The following ATG7 variants were observed in gnomAD, a reference collection of about 807,000 sequenced individuals.
The protein encoded by ATG7 is autophagy related 7.
Under a neutral mutation model 82.4 loss-of-function variants are expected in ATG7, and 70 were observed. The ratio of observed to expected loss-of-function variants is 0.85; its 90% CI spans 0.70 to 1.04. ATG7 has a LOEUF of 1.04. Ranked by LOEUF, ATG7 falls within the 50% of genes least tolerant of loss-of-function variation. ATG7 has a pLI of 0.00. For missense variants in ATG7, 792 were observed against 864.3 expected, an observed-to-expected ratio of 0.92 and a Z score of 1.05; for synonymous variants, 287 against 313.0, an observed-to-expected ratio of 0.92 and a Z score of 0.88.
intron 20 of ATG7, among the ~76,000 whole-genome samples, chr3:11,461,514 G>A (rs888309863): frequency 2.6e-5 from 4 of 152,132 alleles, no homozygotes; most frequent in Non-Finnish European, 5.9e-5. Context: ...TGCAGGTTAA[G>A]GAAATTGAGT....
intron 18 of ATG7, among the ~76,000 whole-genome samples, chr3:11,376,060 G>A (rs1472124392): frequency 6.6e-6 from 1 of 152,228 alleles, no homozygotes; most frequent in Non-Finnish European, 1.5e-5. Context: ...ATGCTGACAT[G>A]TGATACAATG....
intron 20 of ATG7, among the ~76,000 whole-genome samples, chr3:11,431,270 A>T (rs1022354609): frequency 7.9e-5 from 12 of 152,130 alleles, no homozygotes; most frequent in Admixed American, 7.9e-4. Flanking sequence ...GTGTGGTGGC[A>T]TGTGCCTGTA....
intron 18 of ATG7, among the ~76,000 whole-genome samples, chr3:11,375,084 G>A (rs1401397664): frequency 3.3e-5 from 5 of 151,240 alleles, no homozygotes; most frequent in African/African-American, 9.7e-5. Flanking sequence ...GTGTGGTGGT[G>A]TGTTCCTGTA....
intron 12 of ATG7, among the ~76,000 whole-genome samples, chr3:11,341,751 G>A (rs1953672416): frequency 6.6e-6 from 1 of 152,114 alleles, no homozygotes; most frequent in Non-Finnish European, 1.5e-5. Context: ...CCTGGCCTGA[G>A]CGCAGGAGAT....
chr3:11,432,112 T>C (rs577106972), intron 20 of ATG7, among the ~76,000 whole-genome samples: 4 of 152,192 alleles, frequency 2.6e-5, no homozygotes, highest in Non-Finnish European at 5.9e-5. Context: ...TAGTGGAGAC[T>C]GGGGACCAGG....
chr3:11,540,807 C>T lies in ATG7; in HGVS notation c.2080-14004C>T, dbSNP rs115027033. On this transcript the variant is annotated intron_variant, in intron 20 of 20. Transcript: ENST00000693202. ...TTCAGTTAATAATTTTTTTCTCTTA[C>T]AGTTCCTGCTTTTAGTGTCCTAAGA... Among the ~76,000 whole-genome samples the T allele has an allele frequency of 6.5e-4, 98 of 150,654 alleles. 1 individual carries two copies. The highest frequency in any genetic ancestry group is 2.3e-3 in the African/African-American group (96 of 40,878).
chr3:11,566,959 G>A, the ATG7 span, among the ~76,000 whole-genome samples: 1 of 152,144 alleles, frequency 6.6e-6, no homozygotes, highest in African/African-American at 2.4e-5. Context: ...AACTGTGGGT[G>A]GGCAGAATCA....
At chr3:11,274,906 G>A (rs1264659381) in intron 1 of ATG7, among the ~76,000 whole-genome samples, 1 of 151,984 alleles carries the variant, frequency 6.6e-6, no homozygotes, top group Non-Finnish European at 1.5e-5. Context: ...GGACACTGAA[G>A]ATTTTAAAAC....
intron 19 of ATG7, among the ~76,000 whole-genome samples, chr3:11,415,495 A>G (rs1259673741): frequency 6.6e-6 from 1 of 152,222 alleles, no homozygotes; most frequent in Non-Finnish European, 1.5e-5. Flanking sequence ...CACAAATTGT[A>G]CAGCCATACA....
At chr3:11,430,998 A>G (rs1268668580) in intron 20 of ATG7, among the ~76,000 whole-genome samples, 1 of 152,238 alleles carries the variant, frequency 6.6e-6, no homozygotes, top group African/African-American at 2.4e-5. Flanking sequence ...TCTTTAGTAT[A>G]TTACTCAAAA....
chr3:11,411,301 T>A (rs1044496148), intron 19 of ATG7, among the ~76,000 whole-genome samples: 1 of 152,066 alleles, frequency 6.6e-6, no homozygotes, highest in Non-Finnish European at 1.5e-5. Flanking sequence ...TGTTGTTGAG[T>A]TTTAGAATTA....
At chr3:11,305,525 G>T (rs535653490) in intron 5 of ATG7, among the ~76,000 whole-genome samples, 13 of 152,298 alleles carry the variant, frequency 8.5e-5, no homozygotes, top group African/African-American at 2.9e-4. Flanking sequence ...AATGTAGAAG[G>T]CCTAGTTTAC....
At chr3:11,521,446 G>A (rs1217999887) in intron 20 of ATG7, among the ~76,000 whole-genome samples, 3 of 152,148 alleles carry the variant, frequency 2.0e-5, no homozygotes, top group Non-Finnish European at 2.9e-5. Context: ...AAGGCGCATC[G>A]CACAGCAGGG....
chr3:11,489,459 G>GT (rs1272571018), intron 20 of ATG7, among the ~76,000 whole-genome samples: 1 of 142,340 alleles, frequency 7.0e-6, no homozygotes, highest in Non-Finnish European at 1.5e-5. Context: ...TTTTTGAAGG[G>GT]TTTTTTGTGT....
Position 11,417,322 on chromosome 3 carries a change from TGTTA to T in ATG7, c.1957-9478_1957-9475del, listed in dbSNP as rs200382567. Among the ~76,000 whole-genome samples the T allele has an allele frequency of 2.4e-4, 36 of 152,340 alleles. No homozygotes were observed. In the East Asian group the frequency reaches 6.4e-3, roughly 27 times the overall value. ...ATTCGTCTATTTCTTCTTGCCGTAC[TGTTA>T]GTTTTTACCTCATGTATTTTGATGC... On this transcript the variant is annotated intron_variant, in intron 19 of 20. Transcript: ENST00000693202.
intron 20 of ATG7, among the ~76,000 whole-genome samples, chr3:11,434,842 CA>C (rs2083231080): frequency 6.6e-6 from 1 of 152,158 alleles, no homozygotes; most frequent in Non-Finnish European, 1.5e-5. Context: ...AAAGCAAAGA[CA>C]GCTAATATTA....
intron 20 of ATG7, among the ~76,000 whole-genome samples, chr3:11,512,750 G>A (rs923338607): frequency 6.6e-6 from 1 of 152,224 alleles, no homozygotes; most frequent in Non-Finnish European, 1.5e-5. Flanking sequence ...AAAGAACAAA[G>A]CTTCCATAGT....
chr3:11,488,636 C>T (rs1025246139), intron 20 of ATG7, among the ~76,000 whole-genome samples: 10 of 152,212 alleles, frequency 6.6e-5, no homozygotes, highest in African/African-American at 2.4e-4. Context: ...CTTCTGGGGC[C>T]TCCGGCGCCG....
chr3:11,400,651 C>T (rs2079749204), intron 19 of ATG7, among the ~76,000 whole-genome samples: 2 of 152,120 alleles, frequency 1.3e-5, no homozygotes, highest in Admixed American at 6.5e-5. Flanking sequence ...AAACCTGTAC[C>T]TGGGATATGT....
Sources: allele counts gnomAD v4.1 joint callset (sites outside exome capture counted in the v4.1 genomes callset), GRCh38; gene constraint gnomAD v4.1.1; transcripts MANE v1.5; gene names NCBI Gene and HGNC (gene_info 2026-07-23, HGNC 2026-07-21).